CPQ: variants seen among roughly 807,000 people sequenced by gnomAD.
CPQ encodes Ser-Met dipeptidase.
CPQ carries 37 observed loss-of-function variants against 45.7 expected under a neutral mutation model. The ratio of observed to expected loss-of-function variants is 0.81; its 90% CI spans 0.62 to 1.07. The LOEUF (loss-of-function observed/expected upper bound fraction) is 1.07. Among genes scored for constraint, CPQ ranks in the 50% least tolerant of loss-of-function variants. CPQ has a pLI of 0.00. For missense variants in CPQ, 537 were observed against 572.9 expected (o/e 0.94, Z 0.64); for synonymous variants, 186 against 205.8 (o/e 0.90, Z 0.82).
At chr8:96,757,357 A>G (rs544549909) in intron 1 of CPQ, among the ~76,000 whole-genome samples, 43 of 5,436 alleles carry the variant, frequency 7.9e-3, no homozygotes, top group African/African-American at 0.012. Context: ...TCTCAATGAT[A>G]ATAATAATAA....
intron 6 of CPQ, among the ~76,000 whole-genome samples, chr8:97,030,385 A>T (rs1446145687): frequency 1.3e-5 from 2 of 151,572 alleles, no homozygotes; most frequent in African/African-American, 2.4e-5. Flanking sequence ...TTTTTTTTCA[A>T]AGTCAGTCTC....
intron 1 of CPQ, among the ~76,000 whole-genome samples, chr8:96,763,178 ACTT>A (rs1810425139): frequency 6.6e-6 from 1 of 152,116 alleles, no homozygotes; most frequent in Non-Finnish European, 1.5e-5. Flanking sequence ...TAACTTAATT[ACTT>A]CTTTAAAGAC....
chr8:96,748,405 T>A lies in CPQ; in HGVS notation c.-34-36459T>A, dbSNP rs185059007. ...AGGAATCCTTTAATTCTCAAACTAG[T>A]TTAGGTAGCTGATTACCTAGAGTCA... On this transcript the variant is annotated intron_variant, in intron 1 of 7. Coordinates refer to ENST00000220763, the MANE Select transcript of CPQ (RefSeq NM_016134.4). 3.3e-3 allele frequency among the ~76,000 whole-genome samples: 497 copies of A among 152,254 alleles called. 2 individuals carry two copies. The highest frequency in any genetic ancestry group is 0.01 in the Middle Eastern group (3 of 294).
chr8:96,707,440 C>T (rs960060108), intron 1 of CPQ, among the ~76,000 whole-genome samples: 4 of 152,002 alleles, frequency 2.6e-5, no homozygotes, highest in Admixed American at 6.6e-5. Flanking sequence ...CACACAAATT[C>T]GTTAACTTTC....
chr8:97,066,677 T>C (rs1164137077), intron 7 of CPQ, among the ~76,000 whole-genome samples: 1 of 152,182 alleles, frequency 6.6e-6, no homozygotes, highest in Non-Finnish European at 1.5e-5. Flanking sequence ...TCTGAAATTT[T>C]ACCATTAGAG....
At chr8:96,648,914 G>A (rs1815547765) in intron 1 of CPQ, among the ~76,000 whole-genome samples, 1 of 152,244 alleles carries the variant, frequency 6.6e-6, no homozygotes, top group Non-Finnish European at 1.5e-5. Flanking sequence ...GGGCCAGACA[G>A]TGATGGTCCT....
intron 4 of CPQ, among the ~76,000 whole-genome samples, chr8:96,912,385 C>G (rs1812676118): frequency 6.6e-6 from 1 of 152,138 alleles, no homozygotes. Flanking sequence ...AATATATCCT[C>G]TATGTGCCAA....
At position 96,741,229 on chromosome 8, in the gene CPQ, A is replaced by C. The variant is rs151049592; in HGVS notation, c.-34-43635A>C. ...AAGGTGTATGTGTCAAGGAATTTATACATTTCTTCTAGATTTTCTAGTTTA... is the reference window on the plus strand; with the variant it reads ...AAGGTGTATGTGTCAAGGAATTTATCCATTTCTTCTAGATTTTCTAGTTTA... On this transcript the variant is annotated intron_variant, in intron 1 of 7. Transcript: ENST00000220763. Among the ~76,000 whole-genome samples the C allele has an allele frequency of 5.9e-3, 900 of 152,130 alleles. 11 individuals are homozygous for C. The highest frequency in any genetic ancestry group is 0.013 in the Admixed American group (195 of 15,274).
chr8:96,963,965 T>C (rs1158196545), intron 4 of CPQ, among the ~76,000 whole-genome samples: 1 of 152,184 alleles, frequency 6.6e-6, no homozygotes, highest in East Asian at 1.9e-4. Flanking sequence ...ATGAGACTCA[T>C]ACAATTTTAT....
At chr8:96,837,893 G>A (rs1811551833) in intron 3 of CPQ, among the ~76,000 whole-genome samples, 2 of 152,002 alleles carry the variant, frequency 1.3e-5, no homozygotes, top group South Asian at 2.1e-4. Flanking sequence ...CTCCTTATCA[G>A]TCATTTCAAC....
At chr8:96,807,488 C>T (rs1259008298) in intron 2 of CPQ, among the ~76,000 whole-genome samples, 1 of 152,158 alleles carries the variant, frequency 6.6e-6, no homozygotes, top group East Asian at 1.9e-4. Context: ...CCGCCTGGAC[C>T]TCCCAAAGTG....
rs562578859 is a variant in CPQ at position 96,804,038 on chromosome 8, T to C, written c.433+18708T>C. 2.0e-5 allele frequency among the ~76,000 whole-genome samples: 3 copies of C among 152,250 alleles called. No individual in the cohort carries two copies. The South Asian group carries it at 6.2e-4, about 32-fold the overall frequency. ...AGGAGTGATAATTCTGTTTGGGGGT[T>C]GAACAAGCCTTCAAAGAGATGTGAC... On this transcript the variant is annotated intron_variant, in intron 2 of 7. Coordinates refer to ENST00000220763, the MANE Select transcript of CPQ (RefSeq NM_016134.4).
intron 2 of CPQ, among the ~76,000 whole-genome samples, chr8:96,808,205 T>C (rs1811110588): frequency 6.6e-6 from 1 of 152,226 alleles, no homozygotes; most frequent in Non-Finnish European, 1.5e-5. Context: ...TATATAGCTA[T>C]ATTTTATGAA....
chr8:96,783,260 A>AGT (rs71267280), intron 1 of CPQ, among the ~76,000 whole-genome samples: 5,543 of 147,896 alleles, frequency 0.037, 108 homozygotes, highest in East Asian at 0.1. Context: ...TAGTTGTGTG[A>AGT]GTGTGTGTGT....
intron 4 of CPQ, among the ~76,000 whole-genome samples, chr8:96,939,857 G>A (rs1377765313): frequency 6.6e-6 from 1 of 152,134 alleles, no homozygotes; most frequent in Non-Finnish European, 1.5e-5. Context: ...TGGGTCACGA[G>A]GTTTACACAT....
chr8:96,892,858 G>A (rs969022002), intron 4 of CPQ, among the ~76,000 whole-genome samples: 2 of 152,138 alleles, frequency 1.3e-5, no homozygotes, highest in Non-Finnish European at 2.9e-5. Flanking sequence ...TTTCAAGCAG[G>A]AGGATGTGAT....
At chr8:96,933,854 T>G (rs1046918639) in intron 4 of CPQ, among the ~76,000 whole-genome samples, 2 of 152,190 alleles carry the variant, frequency 1.3e-5, no homozygotes, top group Non-Finnish European at 2.9e-5. Flanking sequence ...CGGTTTCAAA[T>G]CCTAGCTCTT....
At chr8:97,017,294 C>T (rs1341250303) in intron 5 of CPQ, among the ~76,000 whole-genome samples, 1 of 152,172 alleles carries the variant, frequency 6.6e-6, no homozygotes, top group Non-Finnish European at 1.5e-5. Context: ...ACTTCTGCCT[C>T]ACCTCACAGG....
intron 2 of CPQ, among the ~76,000 whole-genome samples, chr8:96,829,837 A>G (rs984593727): frequency 3.9e-5 from 6 of 152,058 alleles, no homozygotes; most frequent in South Asian, 2.1e-4. Flanking sequence ...AGATTATACA[A>G]TCCTTAAGGA....
Sources: gnomAD v4.1 joint callset for allele counts (sites outside exome capture counted in the v4.1 genomes callset) on GRCh38, gnomAD v4.1.1 for gene constraint, MANE v1.5 for transcripts, NCBI Gene and HGNC (gene_info 2026-07-23, HGNC 2026-07-21) for gene names.